Variants in PDE4B observed in about 807,000 individuals in gnomAD.
PDE4B encodes phosphodiesterase 4B.
In PDE4B, 20 loss-of-function variants were observed where a neutral mutation model predicts 82.2. The ratio of observed to expected loss-of-function variants is 0.24; its 90% CI spans 0.17 to 0.35. The LOEUF (loss-of-function observed/expected upper bound fraction) is 0.35, where lower values mean the gene tolerates loss of function less well. Ranked by LOEUF, PDE4B falls within the 10% of genes least tolerant of loss-of-function variation. The pLI is 1.00. For missense variants in PDE4B, 655 were observed against 907.2 expected, an observed-to-expected ratio of 0.72 and a Z score of 3.57; for synonymous variants, 320 against 318.9, an observed-to-expected ratio of 1.00 and a Z score of -0.04.
chr1:66,371,174 G>A (rs2050767431), intron 16 of PDE4B, among the ~76,000 whole-genome samples: 1 of 142,812 alleles, frequency 7.0e-6, no homozygotes, highest in Non-Finnish European at 1.5e-5. Context: ...CAAAGTTCTT[G>A]TGTACAGTAC....
intron 3 of PDE4B, among the ~76,000 whole-genome samples, chr1:66,172,670 A>G (rs1646859843): frequency 6.6e-6 from 1 of 152,196 alleles, no homozygotes; most frequent in Admixed American, 6.5e-5. Context: ...GTAGCTCATC[A>G]TAGTTTTTGT....
At chr1:65,840,181 C>CTG (rs142819903) in intron 1 of PDE4B, among the ~76,000 whole-genome samples, 25 of 151,436 alleles carry the variant, frequency 1.7e-4, no homozygotes, top group South Asian at 4.2e-4. Context: ...ATGTTTGTGT[C>CTG]TGTGTGTGTG....
intron 3 of PDE4B, among the ~76,000 whole-genome samples, chr1:66,039,732 G>A (rs1654265983): frequency 6.6e-6 from 1 of 151,978 alleles, no homozygotes; most frequent in East Asian, 1.9e-4. Flanking sequence ...ATCTGAAAAT[G>A]GTAAATAATT....
chr1:66,085,415 A>G (rs1209320144), intron 3 of PDE4B, among the ~76,000 whole-genome samples: 1 of 152,204 alleles, frequency 6.6e-6, no homozygotes, highest in African/African-American at 2.4e-5. Flanking sequence ...ATGGCTTGGA[A>G]GAAGTCATTG....
chr1:65,852,976 A>T (rs1013053330), intron 1 of PDE4B, among the ~76,000 whole-genome samples: 1 of 152,084 alleles, frequency 6.6e-6, no homozygotes, highest in Non-Finnish European at 1.5e-5. Context: ...CTGAGAGAAG[A>T]GTATTGAATT....
chr1:66,094,301 T>G (rs1645075990), intron 3 of PDE4B, among the ~76,000 whole-genome samples: 1 of 151,982 alleles, frequency 6.6e-6, no homozygotes, highest in South Asian at 2.1e-4. Flanking sequence ...GATTAATGAT[T>G]TTTCAAGCTA....
At chr1:65,813,403 T>C (rs545447408) in intron 1 of PDE4B, among the ~76,000 whole-genome samples, 1 of 152,266 alleles carries the variant, frequency 6.6e-6, no homozygotes, top group East Asian at 1.9e-4. Context: ...AAATGGCATG[T>C]TGAGTTTTGA....
intron 3 of PDE4B, among the ~76,000 whole-genome samples, chr1:66,077,633 G>A (rs935676847): frequency 6.6e-6 from 1 of 152,114 alleles, no homozygotes; most frequent in Non-Finnish European, 1.5e-5. Flanking sequence ...CCCTGCAATA[G>A]TAAGAATACT....
intron 3 of PDE4B, among the ~76,000 whole-genome samples, chr1:65,983,827 T>A (rs1351118341): frequency 6.6e-6 from 1 of 152,220 alleles, no homozygotes; most frequent in Non-Finnish European, 1.5e-5. Flanking sequence ...TACTATTGTG[T>A]ATGTCAGAGG....
intron 3 of PDE4B, among the ~76,000 whole-genome samples, chr1:66,108,006 G>A (rs1645405016): frequency 6.6e-6 from 1 of 151,646 alleles, no homozygotes. Context: ...ACATATTTAT[G>A]GTACACAGCA....
chr1:65,819,499 G>GTTTT (rs11438074), intron 1 of PDE4B, among the ~76,000 whole-genome samples: 99 of 145,382 alleles, frequency 6.8e-4, no homozygotes, highest in Middle Eastern at 3.5e-3. Flanking sequence ...GTTTGTTTTT[G>GTTTT]TTTTGTTTTT....
chr1:66,078,197 CTTTCT>C (rs138104977), intron 3 of PDE4B, among the ~76,000 whole-genome samples: 4 of 149,638 alleles, frequency 2.7e-5, no homozygotes, highest in African/African-American at 9.8e-5. Context: ...CTCTTTCTTT[CTTTCT>C]TTTTTTTTTT....
At chr1:66,275,552 GC>G (rs1655820688) in intron 7 of PDE4B, among the ~76,000 whole-genome samples, 1 of 152,208 alleles carries the variant, frequency 6.6e-6, no homozygotes, top group Non-Finnish European at 1.5e-5. Flanking sequence ...GTTGGAGTTA[GC>G]CTAGAGAAGA....
At chr1:66,123,501 C>A (rs1158563414) in intron 3 of PDE4B, among the ~76,000 whole-genome samples, 2 of 151,866 alleles carry the variant, frequency 1.3e-5, no homozygotes, top group East Asian at 1.9e-4. Context: ...GTCATTCCCT[C>A]TCTCCTTTCT....
chr1:66,319,161 C>G (rs1197413585), intron 7 of PDE4B, among the ~76,000 whole-genome samples: 1 of 152,190 alleles, frequency 6.6e-6, no homozygotes. Context: ...TGAGACATCA[C>G]TCAGGATAGC....
At chr1:66,284,010 A>T (rs1656488144) in intron 7 of PDE4B, among the ~76,000 whole-genome samples, 1 of 152,216 alleles carries the variant, frequency 6.6e-6, no homozygotes, top group South Asian at 2.1e-4. Flanking sequence ...ATGCTGGATA[A>T]TGGAGATACA....
chr1:66,074,337 A>G (rs901699163), intron 3 of PDE4B, among the ~76,000 whole-genome samples: 1 of 152,096 alleles, frequency 6.6e-6, no homozygotes, highest in Non-Finnish European at 1.5e-5. Context: ...TCTCCTTTCT[A>G]ATAGTGCTGA....
At chr1:65,894,781 G>A (rs568676981) in intron 1 of PDE4B, among the ~76,000 whole-genome samples, 1 of 152,230 alleles carries the variant, frequency 6.6e-6, no homozygotes, top group African/African-American at 2.4e-5. Context: ...AACATTGTTA[G>A]TTCTTAGGGA....
intron 2 of PDE4B, among the ~76,000 whole-genome samples, chr1:65,913,979 T>G (rs946916859): frequency 5.3e-5 from 8 of 152,206 alleles, no homozygotes; most frequent in Admixed American, 5.2e-4. Context: ...ATCTGTAAAC[T>G]ATCTTCTATA....
Sources: gnomAD v4.1 joint callset for allele counts (sites outside exome capture counted in the v4.1 genomes callset) on GRCh38, gnomAD v4.1.1 for gene constraint, MANE v1.5 for transcripts, NCBI Gene and HGNC (gene_info 2026-07-23, HGNC 2026-07-21) for gene names.